The following MGAT4C variants were observed in gnomAD, a reference collection of about 807,000 sequenced individuals.
MGAT4C encodes the protein MGAT4 family member C, also known as alpha-1,3-mannosyl-glycoprotein 4-beta-N-acetylglucosaminyltransferase C.
In MGAT4C, 19 loss-of-function variants were observed where a neutral mutation model predicts 40.1. That is an observed-to-expected ratio of 0.47 (90% confidence interval 0.33 to 0.70). MGAT4C has a LOEUF of 0.70. Among genes scored for constraint, MGAT4C ranks in the 30% least tolerant of loss-of-function variants. MGAT4C has a pLI of 0.02. For missense variants in MGAT4C, 491 were observed against 563.2 expected, an observed-to-expected ratio of 0.87 and a Z score of 1.30; for synonymous variants, 181 against 187.1, an observed-to-expected ratio of 0.97 and a Z score of 0.27.
intron 2 of MGAT4C, among the ~76,000 whole-genome samples, chr12:86,666,523 G>T (rs189763392): frequency 1.0e-3 from 152 of 152,016 alleles, no homozygotes; most frequent in African/African-American, 3.5e-3. Flanking sequence ...ATCTAAGTTT[G>T]CTGAGAATTA....
chr12:86,727,732 A>G (rs1378281971), intron 1 of MGAT4C, among the ~76,000 whole-genome samples: 2 of 152,076 alleles, frequency 1.3e-5, no homozygotes, highest in East Asian at 3.8e-4. Flanking sequence ...GGGCTTACAG[A>G]ATACTTTTTA....
At chr12:86,237,621 A>G (rs1334082508) in intron 1 of MGAT4C, among the ~76,000 whole-genome samples, 3 of 151,878 alleles carry the variant, frequency 2.0e-5, no homozygotes, top group African/African-American at 4.8e-5. Context: ...CTCTATGGAA[A>G]TTAAGCAGAG....
rs531801763 is a variant in MGAT4C, at chr12:86,055,759, C to T, written c.-56-6036G>A. Among the ~76,000 whole-genome samples the T allele has an allele frequency of 5.6e-4, 85 of 152,092 alleles. 1 individual carries two copies. Among genetic ancestry groups the T allele is most frequent in the African/African-American group, 2.0e-3 (84 of 41,516 alleles). ...TCAAACTTTTTAAATCTTTACCATC[C>T]TAAAATGGGTGAGGGTAAAGGGAGA... On this transcript the variant is annotated intron_variant, in intron 1 of 4. Coordinates refer to ENST00000611864, the MANE Select transcript of MGAT4C (RefSeq NM_001351288.2).
chr12:86,311,382 G>T (rs377163607), intron 4 of MGAT4C, among the ~76,000 whole-genome samples: 1 of 152,186 alleles, frequency 6.6e-6, no homozygotes, highest in Admixed American at 6.5e-5. Context: ...CGGGGTCACC[G>T]GTGCATATGC....
chr12:86,583,524 T>C (rs906683321), intron 2 of MGAT4C, among the ~76,000 whole-genome samples: 1 of 151,304 alleles, frequency 6.6e-6, no homozygotes, highest in Non-Finnish European at 1.5e-5. Context: ...GGTCAACACA[T>C]CTGCTAATAA....
chr12:86,028,055 C>T, intron 2 of MGAT4C: 1 of 1,110,332 alleles, frequency 9.0e-7, no homozygotes, highest in Non-Finnish European at 1.2e-6. Context: ...AAGAAAGTAT[C>T]AAACACATGC....
intron 3 of MGAT4C, among the ~76,000 whole-genome samples, chr12:86,366,673 A>G (rs1955604640): frequency 6.6e-6 from 1 of 152,180 alleles, no homozygotes; most frequent in Admixed American, 6.5e-5. Flanking sequence ...TGAGCATCAC[A>G]TAATATACAC....
chr12:86,349,661 G>C (rs17289052), intron 3 of MGAT4C, among the ~76,000 whole-genome samples: 13,976 of 152,048 alleles, frequency 0.092, 804 homozygotes, highest in Middle Eastern at 0.23. Context: ...TGAAAATTAC[G>C]AGCTACAAAA....
intron 1 of MGAT4C, among the ~76,000 whole-genome samples, chr12:86,740,933 A>C (rs1951059163): frequency 6.6e-6 from 1 of 151,088 alleles, no homozygotes; most frequent in African/African-American, 2.4e-5. Flanking sequence ...GGTTTGGAAT[A>C]CAAATTCCGT....
In MGAT4C at chr12:86,036,388, G is replaced by A. The variant is rs1038633444; in HGVS notation, c.-7+13286C>T. Among the ~76,000 whole-genome samples the A allele has an allele frequency of 6.0e-5, 9 of 150,020 alleles. 1 individual carries two copies. The highest frequency in any genetic ancestry group is 1.2e-4 in the Non-Finnish European group (8 of 66,858). ...TGGTGAGAGAGGGCGTCCGTGTCTT[G>A]TGCTGGTTTTCAAAAGGAATGCTTC... is the stretch of plus-strand genomic sequence containing the variant. On this transcript the variant is annotated intron_variant, in intron 2 of 4. Coordinates refer to ENST00000611864, the MANE Select transcript of MGAT4C (RefSeq NM_001351288.2).
chr12:86,473,549 C>T (rs1349140900), intron 2 of MGAT4C, among the ~76,000 whole-genome samples: 1 of 152,126 alleles, frequency 6.6e-6, no homozygotes, highest in Admixed American at 6.6e-5. Context: ...AAAAGAGACA[C>T]CATTTGGAAT....
intron 1 of MGAT4C, among the ~76,000 whole-genome samples, chr12:86,163,808 A>T (rs181517581): frequency 1.3e-5 from 2 of 152,360 alleles, no homozygotes; most frequent in East Asian, 3.9e-4. Flanking sequence ...TCACAATTCC[A>T]TAATTTTCAT....
intron 2 of MGAT4C, among the ~76,000 whole-genome samples, chr12:86,531,217 T>A (rs902124500): frequency 1.3e-5 from 2 of 152,124 alleles, no homozygotes; most frequent in Non-Finnish European, 2.9e-5. Flanking sequence ...TTGCAATTTA[T>A]GGAACAGTGC....
intron 1 of MGAT4C, among the ~76,000 whole-genome samples, chr12:86,221,818 C>A (rs1950887709): frequency 1.3e-5 from 2 of 152,192 alleles, no homozygotes; most frequent in Non-Finnish European, 2.9e-5. Flanking sequence ...TGAATCTCTT[C>A]TGGTTCTAAG....
chr12:86,689,100 A>T (rs967729123), intron 2 of MGAT4C, among the ~76,000 whole-genome samples: 2 of 152,066 alleles, frequency 1.3e-5, no homozygotes, highest in Admixed American at 6.6e-5. Flanking sequence ...TTGATCTTCA[A>T]TCTCTGATAT....
At chr12:86,355,985 G>T (rs1482339686) in intron 3 of MGAT4C, among the ~76,000 whole-genome samples, 1 of 151,978 alleles carries the variant, frequency 6.6e-6, no homozygotes, top group Non-Finnish European at 1.5e-5. Context: ...CACAAAGAGG[G>T]GGTTGCATAA....
chr12:86,593,433 C>A, intron 2 of MGAT4C, among the ~76,000 whole-genome samples: 1 of 151,904 alleles, frequency 6.6e-6, no homozygotes, highest in East Asian at 1.9e-4. Context: ...TTAATTTGCT[C>A]TTTTTTTCCA....
At chr12:86,428,079 T>A (rs1417585708) in intron 3 of MGAT4C, among the ~76,000 whole-genome samples, 2 of 152,042 alleles carry the variant, frequency 1.3e-5, no homozygotes, top group African/African-American at 4.8e-5. Context: ...AACCCGCTAA[T>A]ATAGTATAAA....
intron 1 of MGAT4C, among the ~76,000 whole-genome samples, chr12:86,222,514 T>C (rs1047091544): frequency 2.6e-5 from 4 of 152,202 alleles, no homozygotes; most frequent in African/African-American, 7.2e-5. Flanking sequence ...ACCTAAATTA[T>C]ACCTTTATAT....
Sources: allele counts gnomAD v4.1 joint callset (sites outside exome capture counted in the v4.1 genomes callset), GRCh38; gene constraint gnomAD v4.1.1; transcripts MANE v1.5; gene names NCBI Gene and HGNC (gene_info 2026-07-23, HGNC 2026-07-21).